The following ASIC2 variants were observed in gnomAD, a reference collection of about 807,000 sequenced individuals.
ASIC2 encodes acid-sensing ion channel 2.
ASIC2 carries 25 observed loss-of-function variants against 57.3 expected under a neutral mutation model. The ratio of observed to expected loss-of-function variants is 0.44; its 90% CI spans 0.32 to 0.61. The LOEUF (loss-of-function observed/expected upper bound fraction) is 0.61. ASIC2 is among the 20% of genes least tolerant of loss of function. The pLI is 0.06. For missense variants in ASIC2, 641 were observed against 738.1 expected (o/e 0.87, Z 1.52); for synonymous variants, 319 against 307.5 (o/e 1.04, Z -0.39).
At chr17:33,573,893 A>G (rs1285249546) in intron 1 of ASIC2, among the ~76,000 whole-genome samples, 1 of 152,190 alleles carries the variant, frequency 6.6e-6, no homozygotes, top group Non-Finnish European at 1.5e-5. Flanking sequence ...TATCTAAGCA[A>G]AAGTACTATC....
At chr17:33,972,660 T>C (rs1905255431) in intron 1 of ASIC2, among the ~76,000 whole-genome samples, 1 of 152,252 alleles carries the variant, frequency 6.6e-6, no homozygotes. Context: ...ATTAGTTGTC[T>C]GTGATCACAC....
intron 1 of ASIC2, among the ~76,000 whole-genome samples, chr17:33,316,489 T>C (rs550260891): frequency 2.0e-5 from 3 of 152,358 alleles, no homozygotes; most frequent in South Asian, 4.1e-4. Context: ...GGTTTCGCCA[T>C]GTTGGCCGGG....
chr17:33,782,616 C>T (rs2142129801), intron 1 of ASIC2, among the ~76,000 whole-genome samples: 1 of 152,196 alleles, frequency 6.6e-6, no homozygotes, highest in East Asian at 1.9e-4. Flanking sequence ...GTGGTCCCAG[C>T]TACTTGGGAG....
At chr17:33,212,583 C>T (rs1056463946) in intron 1 of ASIC2, among the ~76,000 whole-genome samples, 6 of 152,160 alleles carry the variant, frequency 3.9e-5, no homozygotes, top group Admixed American at 3.3e-4. Flanking sequence ...CAATAGGAAA[C>T]ACACACTTTC....
intron 1 of ASIC2, among the ~76,000 whole-genome samples, chr17:33,472,262 C>T (rs1913079658): frequency 6.6e-6 from 1 of 152,018 alleles, no homozygotes; most frequent in Non-Finnish European, 1.5e-5. Context: ...CCAGGTGATC[C>T]ACCCACCTTG....
intron 1 of ASIC2, among the ~76,000 whole-genome samples, chr17:33,374,610 C>A (rs944460156): frequency 2.0e-5 from 3 of 152,186 alleles, no homozygotes; most frequent in African/African-American, 7.2e-5. Flanking sequence ...ATGCTGTGGT[C>A]TCAGTGAATT....
At chr17:33,119,180 C>T (rs2092291964) in intron 1 of ASIC2, among the ~76,000 whole-genome samples, 1 of 152,186 alleles carries the variant, frequency 6.6e-6, no homozygotes, top group African/African-American at 2.4e-5. Flanking sequence ...ATTCATTAAT[C>T]CTGACCTTTA....
intron 1 of ASIC2, among the ~76,000 whole-genome samples, chr17:33,363,133 T>C (rs1362932907): frequency 6.6e-6 from 1 of 151,918 alleles, no homozygotes; most frequent in Non-Finnish European, 1.5e-5. Flanking sequence ...AGTGTACCAA[T>C]AATGAGGGGG....
chr17:33,126,806 G>A (rs1450053032), intron 1 of ASIC2, among the ~76,000 whole-genome samples: 1 of 148,298 alleles, frequency 6.7e-6, no homozygotes, highest in Non-Finnish European at 1.5e-5. Flanking sequence ...AAGGATAATT[G>A]AGACTTATGC....
At chr17:33,170,106 A>C (rs1221749325) in intron 1 of ASIC2, among the ~76,000 whole-genome samples, 19 of 152,194 alleles carry the variant, frequency 1.2e-4, no homozygotes, top group Admixed American at 1.2e-3. Flanking sequence ...GGAATGTGGG[A>C]GTCCTTCCAA....
chr17:33,648,576 C>T (rs970210919), intron 1 of ASIC2, among the ~76,000 whole-genome samples: 2 of 152,248 alleles, frequency 1.3e-5, no homozygotes, highest in Non-Finnish European at 2.9e-5. Context: ...CATCTAGAAA[C>T]CACAGTGAAC....
At chr17:33,978,820 T>C (rs1905491525) in intron 1 of ASIC2, among the ~76,000 whole-genome samples, 1 of 152,146 alleles carries the variant, frequency 6.6e-6, no homozygotes, top group East Asian at 1.9e-4. Flanking sequence ...ACCCCACCAG[T>C]GAGTCCTGGT....
intron 3 of ASIC2, among the ~76,000 whole-genome samples, chr17:33,039,897 A>G (rs2091923436): frequency 6.6e-6 from 1 of 152,102 alleles, no homozygotes; most frequent in South Asian, 2.1e-4. Flanking sequence ...CTTTTCCAGG[A>G]GCAGAATCAA....
chr17:33,161,979 C>T (rs974572137), intron 1 of ASIC2, among the ~76,000 whole-genome samples: 8 of 147,032 alleles, frequency 5.4e-5, no homozygotes, highest in African/African-American at 2.0e-4. Context: ...ACTAGCCGTT[C>T]TCATAACCAA....
chr17:33,097,685 C>T (rs2060272967), intron 2 of ASIC2, among the ~76,000 whole-genome samples: 1 of 152,174 alleles, frequency 6.6e-6, no homozygotes, highest in Non-Finnish European at 1.5e-5. Context: ...CCAAGCTGGA[C>T]AGGGAAGGAT....
intron 1 of ASIC2, among the ~76,000 whole-genome samples, chr17:34,128,437 C>G (rs1159180490): frequency 6.6e-6 from 1 of 152,184 alleles, no homozygotes; most frequent in Non-Finnish European, 1.5e-5. Flanking sequence ...CCACCCGCTG[C>G]AGTGTGGTTC....
intron 1 of ASIC2, among the ~76,000 whole-genome samples, chr17:33,762,420 G>A (rs1910812486): frequency 6.6e-6 from 1 of 152,144 alleles, no homozygotes; most frequent in Non-Finnish European, 1.5e-5. Flanking sequence ...GATGTGGTGT[G>A]CAGCAACTCA....
intron 1 of ASIC2, among the ~76,000 whole-genome samples, chr17:33,201,067 T>G (rs111415933): frequency 0.024 from 3,602 of 152,292 alleles, 137 homozygotes; most frequent in African/African-American, 0.082. Context: ...TCTGGCCACC[T>G]TACCTAAAAT....
At chr17:33,697,103 A>G (rs180781745) in intron 1 of ASIC2, among the ~76,000 whole-genome samples, 6 of 152,236 alleles carry the variant, frequency 3.9e-5, no homozygotes, top group Admixed American at 1.3e-4. Context: ...TGCTCTGGCC[A>G]TGTGATGTAC....
Sources: allele counts gnomAD v4.1 joint callset (sites outside exome capture counted in the v4.1 genomes callset), GRCh38; gene constraint gnomAD v4.1.1; transcripts MANE v1.5; gene names NCBI Gene and HGNC (gene_info 2026-07-23, HGNC 2026-07-21).